SPOCD1: variants seen among roughly 807,000 people sequenced by gnomAD.
The protein encoded by SPOCD1 is SPOC domain-containing protein 1.
Under a neutral mutation model 92.2 loss-of-function variants are expected in SPOCD1, and 64 were observed. The observed-to-expected ratio is 0.69, with a 90% CI of 0.57 to 0.86. The LOEUF is 0.86. Ranked by LOEUF, SPOCD1 falls within the 40% of genes least tolerant of loss-of-function variation. SPOCD1 has a pLI of 0.00. For synonymous variants in SPOCD1, 578 were observed against 619.3 expected (o/e 0.93, Z 0.99); for missense variants, 1,360 against 1,543.1 (o/e 0.88, Z 1.99).
chr1:31,814,241 C>A lies in SPOCD1; in HGVS notation c.1093G>T (p.Glu365Ter), dbSNP rs766176580. The A allele has an allele frequency of 1.9e-6, 3 of 1,583,878 alleles. No homozygotes were observed. The highest frequency in any genetic ancestry group is 2.6e-6 in the Non-Finnish European group (3 of 1,164,780). Residue 365 changes from glutamate to a stop codon, truncating the protein, a stop_gained, in exon 2 of 16, where the codon GAG (glutamate) becomes TAG (stop). Transcript: ENST00000360482. LOFTEE classifies it high-confidence loss of function. The surrounding 1 kb of genome is among the most constrained non-coding windows in gnomAD (Gnocchi z 4.2). ...CTGGAAGCTGGCTGAGCCTTGGCCT[C>A]CAGCTCCTCCTGGTCCTGTGCTGGA... is the stretch of plus-strand genomic sequence containing the variant. ...QAPAQDQEEL[E>*]AKAQPASRGR...
intron 13 of SPOCD1, 73 bp from the exon 14 acceptor site, chr1:31,792,840 C>G: frequency 2.5e-6 from 3 of 1,212,262 alleles, no homozygotes; most frequent in Non-Finnish European, 3.6e-6. Flanking sequence ...TCCCAGCCAC[C>G]TGGAAGGCTG....
chr1:31,803,885 A>G (rs60500524), intron 2 of SPOCD1, among the ~76,000 whole-genome samples: 13 of 151,476 alleles, frequency 8.6e-5, no homozygotes, highest in East Asian at 3.9e-4. Flanking sequence ...AGGAAGGAAG[A>G]AAGGAAGGAA....
chr1:31,809,158 C>T (rs554807926), intron 2 of SPOCD1, among the ~76,000 whole-genome samples: 1 of 152,236 alleles, frequency 6.6e-6, no homozygotes, highest in South Asian at 2.1e-4. Flanking sequence ...CACTGTACTC[C>T]AGCCAAAAAA....
chr1:31,802,153 G>A (rs1021732185), intron 2 of SPOCD1, among the ~76,000 whole-genome samples: 1 of 152,166 alleles, frequency 6.6e-6, no homozygotes, highest in African/African-American at 2.4e-5. Flanking sequence ...GGGTGACAGA[G>A]TGAGACTCCA....
intron 12 of SPOCD1, 53 bp from the exon 13 acceptor site, chr1:31,793,481 C>G: frequency 6.5e-7 from 1 of 1,546,028 alleles, no homozygotes; most frequent in South Asian, 1.2e-5. Flanking sequence ...TGAGGACTTC[C>G]CCGGCACCTC....
Position 31,810,275 on chromosome 1 carries a change from G to A in SPOCD1, c.1383+3676C>T, listed in dbSNP as rs138651616. Among the ~76,000 whole-genome samples, 691 of 152,156 alleles carry A rather than the reference G, an allele frequency of 4.5e-3. 2 individuals carry two copies. Among genetic ancestry groups the A allele is most frequent in the Non-Finnish European group, 7.0e-3 (475 of 68,004 alleles). ...CAAACCCTGGCTCGGCCACTTACTC[G>A]CGATGTGGCCTGAGTGAGTCACTTA... On this transcript the variant is annotated intron_variant, in intron 2 of 15. Coordinates refer to ENST00000360482, the MANE Select transcript of SPOCD1 (RefSeq NM_144569.7).
chr1:31,793,941 C>G (rs750728684), intron 11 of SPOCD1, 44 bp from the exon 12 acceptor site: 2 of 1,585,126 alleles, frequency 1.3e-6, no homozygotes, highest in East Asian at 4.5e-5. Flanking sequence ...GCAGCAGCAG[C>G]GCTGAAGCCA....
chr1:31,803,784 AGAAAG>A (rs936798967), intron 2 of SPOCD1, among the ~76,000 whole-genome samples: 29 of 150,850 alleles, frequency 1.9e-4, no homozygotes, highest in Admixed American at 7.3e-4. Flanking sequence ...AGAAAGGAGA[AGAAAG>A]GAAAGGAAAG....
chr1:31,805,391 G>A (rs1397176547), intron 2 of SPOCD1, among the ~76,000 whole-genome samples: 1 of 152,108 alleles, frequency 6.6e-6, no homozygotes, highest in Admixed American at 6.5e-5. Flanking sequence ...CCAAAAGGAG[G>A]CAATGAAAGG....
intron 11 of SPOCD1, 85 bp from the exon 12 acceptor site, chr1:31,793,982 G>A: frequency 1.9e-6 from 3 of 1,545,336 alleles, no homozygotes; most frequent in Non-Finnish European, 2.6e-6. Flanking sequence ...GGTTGAACCA[G>A]GTTCTTTTCT....
At chr1:31,799,907 G>C (rs750050635) in intron 5 of SPOCD1, 44 bp from the exon 6 acceptor site, 13 of 1,613,956 alleles carry the variant, frequency 8.1e-6, no homozygotes, top group Non-Finnish European at 1.1e-5. Context: ...TGGTGGGCCT[G>C]GCTTCCAGCC....
chr1:31,799,706 G>C, intron 6 of SPOCD1, 103 bp downstream of exon 6: 4 of 1,415,772 alleles, frequency 2.8e-6, no homozygotes, highest in Non-Finnish European at 3.9e-6. Context: ...GATGTGGGGA[G>C]AGAAGAATCA....
rs1286216492 is a variant in SPOCD1, at chr1:31,800,027, C to G, written c.1717G>C (p.Ala573Pro). ...LALGDPSSDPACSQSGPMEAE... is the reference protein window; with the variant it reads ...LALGDPSSDPPCSQSGPMEAE... Reference sequence around the variant, plus strand: ...GCAGAACAACTTGCCTGGGAACATGCAGGGTCCGAGCTGGGGTCGCCAAGG... The same window carrying G: ...GCAGAACAACTTGCCTGGGAACATGGAGGGTCCGAGCTGGGGTCGCCAAGG... Residue 573 changes from alanine (A) to proline (P), a missense_variant, in exon 5 of 16, where the codon GCA (alanine) becomes CCA (proline). Physicochemically the swap from Ala to Pro is conservative, Grantham distance 27. Around this residue, in one of 3 missense-constraint regions of SPOCD1, gnomAD observed 606 missense variants for 601.5 expected, o/e 1.01. Transcript: ENST00000360482. The G allele has an allele frequency of 3.7e-6, 6 of 1,612,190 alleles. No homozygotes were observed. Among genetic ancestry groups the G allele is most frequent in the Non-Finnish European group, 5.1e-6 (6 of 1,179,112 alleles).
chr1:31,809,225 A>G (rs973125641), intron 2 of SPOCD1, among the ~76,000 whole-genome samples: 2 of 152,220 alleles, frequency 1.3e-5, no homozygotes, highest in Non-Finnish European at 2.9e-5. Flanking sequence ...GATGCTCCTT[A>G]GTAAGAGGGC....
Position 31,813,986 on chromosome 1 carries a change from G to C in SPOCD1, c.1348C>G (p.Pro450Ala). Residue 450 changes from proline (P) to alanine (A), a missense_variant, in exon 2 of 16, where the codon CCA becomes GCA. This residue lies in a region of SPOCD1 where 606 missense variants were observed against 601.5 expected (regional missense o/e 1.01). Transcript: ENST00000360482. ...RSSDNSHQDR[P>A]EEPSPGGCPR... Reference sequence around the variant, plus strand: ...CAGCCTCCTGGGCTGGGTTCCTCTGGCCTGTCCTGGTGGGAGTTGTCTGAG... The same window carrying C: ...CAGCCTCCTGGGCTGGGTTCCTCTGCCCTGTCCTGGTGGGAGTTGTCTGAG... 1 of 1,586,420 alleles carries C rather than the reference G, an allele frequency of 6.3e-7. No homozygotes were observed. The highest frequency in any genetic ancestry group is 8.6e-7 in the Non-Finnish European group (1 of 1,162,542).
In SPOCD1 at chr1:31,799,463, T is replaced by TG; in HGVS notation, c.1805dup (p.Ser603IlefsTer32). 1 of 1,611,744 alleles carries TG rather than the reference T, an allele frequency of 6.2e-7. No homozygotes were observed. The highest frequency in any genetic ancestry group is 8.5e-7 in the Non-Finnish European group (1 of 1,179,172). ...TGCCCCGCACCCCAATATACAGGGA[T>TG]GGCTTCTCCTGTTGGAGCTGAGCTG... On this transcript the variant is annotated frameshift_variant, in exon 7 of 16. Coordinates refer to ENST00000360482, the MANE Select transcript of SPOCD1 (RefSeq NM_144569.7). LOFTEE classifies it high-confidence loss of function.
intron 10 of SPOCD1, 184 bp from the exon 11 acceptor site, chr1:31,794,419 A>C (rs1647850280): frequency 4.1e-6 from 2 of 487,502 alleles, no homozygotes; most frequent in Non-Finnish European, 7.3e-6. Context: ...TTAAAAAGAA[A>C]ATCACTTCTT....
chr1:31,799,667 C>T, intron 6 of SPOCD1, 142 bp downstream of exon 6: 4 of 1,189,218 alleles, frequency 3.4e-6, no homozygotes, highest in Non-Finnish European at 1.2e-6. Context: ...CTTCCCCCAC[C>T]CCTTTGGGGA....
In SPOCD1 at chr1:31,799,803, C is replaced by G; in HGVS notation, c.1783+6G>C. ...AGCAGAAGAGGCTCCCTCCAGGGCC[C>G]TTCACCTGAGTCCTCTGGCTGCTCC... On this transcript the variant is annotated splice_donor_region_variant and intron_variant, in intron 6 of 15. Transcript: ENST00000360482. The G allele has an allele frequency of 6.2e-7, 1 of 1,613,870 alleles. No individual in the cohort carries two copies. Among genetic ancestry groups the G allele is most frequent in the Non-Finnish European group, 8.5e-7 (1 of 1,180,012 alleles).
Sources: gnomAD v4.1 joint callset for allele counts (sites outside exome capture counted in the v4.1 genomes callset) on GRCh38, gnomAD v4.1.1 for gene constraint, gnomAD v4.1.1 regional missense constraint, Gnocchi (gnomAD v3.1) non-coding constraint, MANE v1.5 for transcripts, NCBI Gene and HGNC (gene_info 2026-07-23, HGNC 2026-07-21) for gene names.